The following SLC25A21 variants were observed in gnomAD, a reference collection of about 807,000 sequenced individuals.
SLC25A21 encodes the protein solute carrier family 25 member 21.
In SLC25A21, 47 loss-of-function variants were observed where a neutral mutation model predicts 43.8. The observed-to-expected ratio is 1.07, with a 90% CI of 0.85 to 1.37. The LOEUF is 1.37. Ranked by LOEUF, SLC25A21 falls within the 40% of genes most tolerant of loss-of-function variation. The pLI, the probability that SLC25A21 is intolerant of heterozygous loss-of-function variation, is 0.00. For synonymous variants in SLC25A21, 131 were observed against 121.3 expected (o/e 1.08, Z -0.52); for missense variants, 352 against 350.2 (o/e 1.00, Z -0.04).
At chr14:36,837,467 C>G (rs1418758402) in intron 2 of SLC25A21, among the ~76,000 whole-genome samples, 1 of 152,024 alleles carries the variant, frequency 6.6e-6, no homozygotes, top group African/African-American at 2.4e-5. Flanking sequence ...ATACAGAGCA[C>G]AGAGAGGAAG....
chr14:36,791,694 A>G (rs1351230884), intron 3 of SLC25A21, among the ~76,000 whole-genome samples: 1 of 152,234 alleles, frequency 6.6e-6, no homozygotes, highest in Non-Finnish European at 1.5e-5. Flanking sequence ...GTTAATAATT[A>G]ACAGCTAGGA....
chr14:37,020,823 T>C (rs971867722), intron 1 of SLC25A21, among the ~76,000 whole-genome samples: 1 of 151,924 alleles, frequency 6.6e-6, no homozygotes, highest in African/African-American at 2.4e-5. Context: ...CCAAATACAA[T>C]CATCTGTTGA....
intron 3 of SLC25A21, among the ~76,000 whole-genome samples, chr14:36,740,726 A>T (rs1885219771): frequency 6.6e-6 from 1 of 151,870 alleles, no homozygotes; most frequent in African/African-American, 2.4e-5. Flanking sequence ...GAAGCAAGGA[A>T]ATGTGAAATT....
intron 1 of SLC25A21, among the ~76,000 whole-genome samples, chr14:37,062,481 C>A (rs1348267650): frequency 6.6e-6 from 1 of 152,038 alleles, no homozygotes; most frequent in Non-Finnish European, 1.5e-5. Context: ...AAAAAGAACT[C>A]TCTATTTAAT....
chr14:36,915,325 T>C (rs1203644340), intron 1 of SLC25A21, among the ~76,000 whole-genome samples: 2 of 152,128 alleles, frequency 1.3e-5, no homozygotes, highest in Non-Finnish European at 2.9e-5. Context: ...AACCTGTCTT[T>C]AACAAGGGCA....
chr14:36,777,029 G>A (rs1054328101), intron 3 of SLC25A21, among the ~76,000 whole-genome samples: 1 of 152,192 alleles, frequency 6.6e-6, no homozygotes, highest in Non-Finnish European at 1.5e-5. Context: ...GGAGGCCGAG[G>A]TGGGCGGATC....
intron 1 of SLC25A21, among the ~76,000 whole-genome samples, chr14:37,009,547 A>C (rs1960684430): frequency 6.6e-6 from 1 of 152,196 alleles, no homozygotes; most frequent in African/African-American, 2.4e-5. Context: ...CAGAAAGACC[A>C]GGGGAAGAGA....
chr14:36,845,934 C>A (rs114737849), intron 2 of SLC25A21, among the ~76,000 whole-genome samples: 7 of 152,036 alleles, frequency 4.6e-5, no homozygotes, highest in Admixed American at 2.0e-4. Context: ...ATTTTTAATG[C>A]GATAAATGTT....
At chr14:36,838,498 T>A (rs1402831291) in intron 2 of SLC25A21, among the ~76,000 whole-genome samples, 1 of 152,162 alleles carries the variant, frequency 6.6e-6, no homozygotes, top group African/African-American at 2.4e-5. Flanking sequence ...AATATGGACT[T>A]ACAGAATGTG....
rs185902006 is a variant in SLC25A21 at position 36,984,236 on chromosome 14, C to T, written c.71-109232G>A. Among the ~76,000 whole-genome samples the T allele has an allele frequency of 1.1e-3, 174 of 152,204 alleles. 1 individual carries two copies. The East Asian group carries it at 0.029, about 26-fold the overall frequency. ...TCTATTACCTCTCCTGTTATTTGCC[C>T]CAATAAGGCTATTTATGTGACAATG... On this transcript the variant is annotated intron_variant, in intron 1 of 9. Transcript: ENST00000331299.
intron 3 of SLC25A21, among the ~76,000 whole-genome samples, chr14:36,781,705 AT>A (rs1281640158): frequency 1.3e-5 from 2 of 152,194 alleles, no homozygotes; most frequent in Admixed American, 1.3e-4. Flanking sequence ...AGTTATAATA[AT>A]TGCAGTTATA....
At chr14:36,945,407 G>C (rs1406139721) in intron 1 of SLC25A21, among the ~76,000 whole-genome samples, 1 of 152,080 alleles carries the variant, frequency 6.6e-6, no homozygotes, top group East Asian at 1.9e-4. Flanking sequence ...AGAGATATTT[G>C]TACCCCCACA....
chr14:36,887,577 GA>G (rs201721966), intron 1 of SLC25A21, among the ~76,000 whole-genome samples: 3,026 of 150,268 alleles, frequency 0.02, 107 homozygotes, highest in African/African-American at 0.07. Context: ...AAAAAAAAAG[GA>G]AAAAAATTGT....
chr14:36,764,147 A>AGAAGGAAAGAAG (rs1566588059), intron 3 of SLC25A21, among the ~76,000 whole-genome samples: 17 of 57,546 alleles, frequency 3.0e-4, no homozygotes, highest in East Asian at 3.2e-3. Flanking sequence ...AAAGAAGGAA[A>AGAAGGAAAGAAG]GAAAGAAAGA....
intron 3 of SLC25A21, among the ~76,000 whole-genome samples, chr14:36,746,100 G>A (rs1180542313): frequency 6.6e-6 from 1 of 151,968 alleles, no homozygotes; most frequent in Non-Finnish European, 1.5e-5. Flanking sequence ...TCCCACTACT[G>A]GGTATCTACC....
intron 2 of SLC25A21, among the ~76,000 whole-genome samples, chr14:36,857,695 A>G (rs1173815442): frequency 2.0e-5 from 3 of 152,208 alleles, no homozygotes; most frequent in Non-Finnish European, 4.4e-5. Flanking sequence ...CTGCTTGTAT[A>G]TGAAGCAGTT....
chr14:36,815,943 T>A (rs909751610), intron 2 of SLC25A21, among the ~76,000 whole-genome samples: 1 of 152,214 alleles, frequency 6.6e-6, no homozygotes, highest in East Asian at 1.9e-4. Flanking sequence ...TCAAAAATGC[T>A]TTTCTTAGAT....
At chr14:36,919,927 A>G (rs568426600) in intron 1 of SLC25A21, among the ~76,000 whole-genome samples, 1 of 152,202 alleles carries the variant, frequency 6.6e-6, no homozygotes, top group East Asian at 1.9e-4. Context: ...GTGAAATTAC[A>G]CTATCATGAA....
At chr14:36,702,039 G>A (rs918287767) in intron 7 of SLC25A21, among the ~76,000 whole-genome samples, 1 of 152,150 alleles carries the variant, frequency 6.6e-6, no homozygotes, top group African/African-American at 2.4e-5. Context: ...TGTCCATTTA[G>A]TTCCACTTAT....
Sources: gnomAD v4.1 joint callset for allele counts (sites outside exome capture counted in the v4.1 genomes callset) on GRCh38, gnomAD v4.1.1 for gene constraint, MANE v1.5 for transcripts, NCBI Gene and HGNC (gene_info 2026-07-23, HGNC 2026-07-21) for gene names.